VPS26A: variants seen among roughly 807,000 people sequenced by gnomAD.
VPS26A encodes VPS26 retromer complex component A.
Under a neutral mutation model 42.4 loss-of-function variants are expected in VPS26A, and 22 were observed. The observed-to-expected ratio is 0.52, with a 90% CI of 0.37 to 0.74. The LOEUF (loss-of-function observed/expected upper bound fraction) is 0.74, where lower values mean the gene tolerates loss of function less well. Among genes scored for constraint, VPS26A ranks in the 30% least tolerant of loss-of-function variants. The pLI is 0.00. For synonymous variants in VPS26A, 110 were observed against 123.5 expected (o/e 0.89, Z 0.73); for missense variants, 276 against 379.2 (o/e 0.73, Z 2.26).
intron 2 of VPS26A, among the ~76,000 whole-genome samples, chr10:69,136,531 A>G (rs931039870): frequency 2.0e-5 from 3 of 151,856 alleles, no homozygotes; most frequent in East Asian, 1.9e-4. Context: ...CAGCCTCCCA[A>G]AGTGCTGGAT....
In VPS26A at chr10:69,167,742, CAAAAAAAAAAAA is replaced by C. The variant is rs35974356; in HGVS notation, c.728-735_728-724del. ...TGGGCGACAGACCAAGACTCCATCT[CAAAAAAAAAAAA>C]AAAAAAAAAAAGAATATGCAAAGAA... On this transcript the variant is annotated intron_variant, in intron 7 of 8. Transcript: ENST00000263559. 5.7e-3 allele frequency among the ~76,000 whole-genome samples: 375 copies of C among 66,348 alleles called. 3 individuals carry two copies. The highest frequency in any genetic ancestry group is 0.022 in the African/African-American group (345 of 16,014). The allele number at this position is 66,348 out of a possible 152,430, so 43.5% of individuals were successfully genotyped here. A position where few individuals can be genotyped will look rare whatever the true frequency, so the allele number is the denominator to read the frequency against.
chr10:69,134,883 A>G (rs539300331), intron 2 of VPS26A, among the ~76,000 whole-genome samples: 1 of 152,284 alleles, frequency 6.6e-6, no homozygotes, highest in Admixed American at 6.5e-5. Context: ...ACTTGAGCCC[A>G]GGAATTCAAG....
intron 1 of VPS26A, among the ~76,000 whole-genome samples, chr10:69,128,781 G>A (rs1840713669): frequency 6.6e-6 from 1 of 151,486 alleles, no homozygotes; most frequent in African/African-American, 2.4e-5. Context: ...GATCACTTGA[G>A]CCCAGGAGTT....
intron 7 of VPS26A, 147 bp downstream of exon 7, chr10:69,166,257 G>A: frequency 1.4e-6 from 1 of 701,578 alleles, no homozygotes; most frequent in Non-Finnish European, 2.3e-6. Context: ...TTGTACAGCT[G>A]CAAAGAAGAC....
At chr10:69,152,885 G>A (rs1031668472) in intron 2 of VPS26A, among the ~76,000 whole-genome samples, 31 of 151,748 alleles carry the variant, frequency 2.0e-4, no homozygotes, top group South Asian at 1.0e-3. Context: ...CAGGAGAATG[G>A]CATGAACCTG....
At chr10:69,163,819 G>T (rs917893182) in intron 6 of VPS26A, among the ~76,000 whole-genome samples, 1 of 146,472 alleles carries the variant, frequency 6.8e-6, no homozygotes, top group Non-Finnish European at 1.5e-5. Context: ...AGGCGGGAGT[G>T]CAGTGGCGCA....
At chr10:69,134,141 A>G (rs757592879) in intron 2 of VPS26A, among the ~76,000 whole-genome samples, 49 of 152,310 alleles carry the variant, frequency 3.2e-4, no homozygotes, top group Middle Eastern at 3.4e-3. Flanking sequence ...TTGTTCAGTT[A>G]ATATATTCAT....
chr10:69,146,064 C>T (rs910519417), intron 2 of VPS26A, among the ~76,000 whole-genome samples: 5 of 152,096 alleles, frequency 3.3e-5, no homozygotes, highest in African/African-American at 1.2e-4. Context: ...ACCCATACTT[C>T]ATTCCTTTTT....
chr10:69,137,864 T>G (rs10823304), intron 2 of VPS26A, among the ~76,000 whole-genome samples: 78,160 of 148,512 alleles, frequency 0.53, 22,753 homozygotes, highest in Middle Eastern at 0.68. Flanking sequence ...TGTATTGAGA[T>G]ATATATATAT....
At chr10:69,149,735 T>TTTTTC (rs1491343058) in intron 2 of VPS26A, among the ~76,000 whole-genome samples, 1 of 10,130 alleles carries the variant, frequency 9.9e-5, no homozygotes, top group African/African-American at 2.6e-4. Context: ...GTGTTTTTTG[T>TTTTTC]TTTTTTTTTT....
intron 1 of VPS26A, among the ~76,000 whole-genome samples, chr10:69,124,784 C>G (rs1392862277): frequency 6.6e-6 from 1 of 152,216 alleles, no homozygotes; most frequent in Non-Finnish European, 1.5e-5. Context: ...ATTTCATGAC[C>G]CCAGTTCAGG....
chr10:69,125,715 T>C (rs1196958633), intron 1 of VPS26A, among the ~76,000 whole-genome samples: 1 of 152,158 alleles, frequency 6.6e-6, no homozygotes, highest in Non-Finnish European at 1.5e-5. Flanking sequence ...TGGTCACAGA[T>C]GTAATATATG....
In VPS26A at chr10:69,171,810, A is replaced by G. The variant is rs952969200; in HGVS notation, c.*541A>G. The G allele has an allele frequency of 6.5e-6, 1 of 153,188 alleles. No homozygotes were observed. Among genetic ancestry groups the G allele is most frequent in the African/African-American group, 2.4e-5 (1 of 41,468 alleles). 9.5% of individuals were successfully genotyped at this position (153,188 alleles called of 1,614,324 possible). On this transcript the variant is annotated 3_prime_UTR_variant, in exon 9 of 9. Transcript: ENST00000263559. The stretch of plus-strand genomic sequence containing the variant: ...TGTTTTTAACATATGTGTTTGAGAA[A>G]AGCATATGGAGTGTTTCACCGCAGG...
chr10:69,130,238 G>A (rs1025850247), intron 1 of VPS26A, among the ~76,000 whole-genome samples: 1 of 152,214 alleles, frequency 6.6e-6, no homozygotes, highest in Non-Finnish European at 1.5e-5. Flanking sequence ...CCTTAGATGA[G>A]CCTCATGGAG....
At chr10:69,164,407 A>G in intron 6 of VPS26A, among the ~76,000 whole-genome samples, 1 of 152,082 alleles carries the variant, frequency 6.6e-6, no homozygotes, top group Middle Eastern at 3.2e-3. Context: ...TTGTAGAGAC[A>G]GGGTGTCACT....
At chr10:69,134,088 A>G (rs901449446) in intron 2 of VPS26A, among the ~76,000 whole-genome samples, 2 of 152,160 alleles carry the variant, frequency 1.3e-5, no homozygotes, top group African/African-American at 4.8e-5. Flanking sequence ...AAAACATTTG[A>G]AATAATTTAA....
chr10:69,128,924 G>A (rs1840715786), intron 1 of VPS26A, among the ~76,000 whole-genome samples: 1 of 140,588 alleles, frequency 7.1e-6, no homozygotes. Context: ...TTGAGCCCAT[G>A]AGGCAGAAGT....
rs958884603 is a variant in VPS26A, at chr10:69,124,216, G to C, written c.-62G>C. ...GGAGCGCCGGAGCGGAGGGAGCCGG[G>C]GCTGGGAGTTCTCCTGAGGGAAGAG... is the stretch of plus-strand genomic sequence containing the variant. On this transcript the variant is annotated 5_prime_UTR_variant, in exon 1 of 9. Transcript: ENST00000263559. 4 of 1,274,026 alleles carry C rather than the reference G, an allele frequency of 3.1e-6. No homozygotes were observed. The highest frequency in any genetic ancestry group is 6.0e-5 in the East Asian group (2 of 33,200). 78.9% of individuals were successfully genotyped at this position (1,274,026 alleles called of 1,614,324 possible).
intron 6 of VPS26A, among the ~76,000 whole-genome samples, chr10:69,165,183 C>T (rs1372774380): frequency 4.6e-5 from 7 of 152,014 alleles, no homozygotes; most frequent in Admixed American, 1.3e-4. Flanking sequence ...CTGCCTTGGC[C>T]TCTCAAAGTG....
Sources: allele counts gnomAD v4.1 joint callset (sites outside exome capture counted in the v4.1 genomes callset), GRCh38; gene constraint gnomAD v4.1.1; transcripts MANE v1.5; gene names NCBI Gene and HGNC (gene_info 2026-07-23, HGNC 2026-07-21).